The following YWHAG variants were observed in gnomAD, a reference collection of about 807,000 sequenced individuals.
YWHAG encodes 14-3-3 protein gamma.
In YWHAG, 1 loss-of-function variant was observed where a neutral mutation model predicts 23.3. That is an observed-to-expected ratio of 0.04 (90% CI 0.02 to 0.20). YWHAG has a LOEUF of 0.20. Among genes scored for constraint, YWHAG ranks in the 10% least tolerant of loss-of-function variants. The pLI is 1.00. For missense variants in YWHAG, 151 were observed against 338.6 expected (o/e 0.45, Z 4.35); for synonymous variants, 160 against 144.0 (o/e 1.11, Z -0.80).
At chr7:76,335,696 A>T (rs1469716437) in intron 1 of YWHAG, among the ~76,000 whole-genome samples, 1 of 152,334 alleles carries the variant, frequency 6.6e-6, no homozygotes, top group East Asian at 1.9e-4. Context: ...CACCTCTGTA[A>T]TCCCAGCACT....
At chr7:76,340,246 G>A (rs1227547904) in intron 1 of YWHAG, among the ~76,000 whole-genome samples, 1 of 152,204 alleles carries the variant, frequency 6.6e-6, no homozygotes, top group Non-Finnish European at 1.5e-5. Flanking sequence ...TATTTTTCCA[G>A]TTTATTCTCT....
intron 1 of YWHAG, among the ~76,000 whole-genome samples, chr7:76,344,409 T>C (rs750273139): frequency 6.6e-6 from 1 of 152,192 alleles, no homozygotes; most frequent in Non-Finnish European, 1.5e-5. Context: ...GCACATGACA[T>C]GCCTCTACAG....
At chr7:76,335,495 G>A (rs1414245348) in intron 1 of YWHAG, among the ~76,000 whole-genome samples, 1 of 152,212 alleles carries the variant, frequency 6.6e-6, no homozygotes, top group African/African-American at 2.4e-5. Context: ...ATGTTAATTA[G>A]TGTCAACTAT....
chr7:76,345,858 C>T (rs1233295996), intron 1 of YWHAG, among the ~76,000 whole-genome samples: 5 of 152,110 alleles, frequency 3.3e-5, no homozygotes, highest in South Asian at 2.1e-4. Flanking sequence ...TTGCTTGAAC[C>T]GGGACCCGGG....
chr7:76,345,707 C>A (rs1003479218), intron 1 of YWHAG, among the ~76,000 whole-genome samples: 1 of 151,948 alleles, frequency 6.6e-6, no homozygotes, highest in Non-Finnish European at 1.5e-5. Context: ...CTTTGGGAGG[C>A]CGAAGTGGCC....
chr7:76,344,078 T>A lies in YWHAG; in HGVS notation c.88-13845A>T, dbSNP rs75138546. On this transcript the variant is annotated intron_variant, in intron 1 of 1. Transcript: ENST00000307630. ...CCAAGTGTAATGGAACAGATGAACC[T>A]GGGGATCAGGGTACAGGACTTTAAG... Among the ~76,000 whole-genome samples the A allele has an allele frequency of 5.3e-5, 8 of 152,278 alleles. No homozygotes were observed. In the East Asian group the frequency reaches 1.4e-3, roughly 26 times the overall value.
chr7:76,341,928 GAC>G (rs1345787881), intron 1 of YWHAG, among the ~76,000 whole-genome samples: 1 of 152,108 alleles, frequency 6.6e-6, no homozygotes, highest in African/African-American at 2.4e-5. Context: ...TGCACTATAC[GAC>G]AGTTTATATA....
chr7:76,345,498 C>CA (rs1803765578), intron 1 of YWHAG, among the ~76,000 whole-genome samples: 1 of 151,830 alleles, frequency 6.6e-6, no homozygotes, highest in Non-Finnish European at 1.5e-5. Context: ...GCCTTTCTTC[C>CA]AAAAGTAGCT....
At chr7:76,343,202 T>C (rs1419241356) in intron 1 of YWHAG, among the ~76,000 whole-genome samples, 1 of 152,084 alleles carries the variant, frequency 6.6e-6, no homozygotes, top group Non-Finnish European at 1.5e-5. Flanking sequence ...CAGCCGTTTT[T>C]AAAAATCAGC....
At chr7:76,353,803 T>C (rs1212702343) in intron 1 of YWHAG, among the ~76,000 whole-genome samples, 1 of 151,958 alleles carries the variant, frequency 6.6e-6, no homozygotes, top group Non-Finnish European at 1.5e-5. Context: ...GTGTGGTGGC[T>C]CACACCTGTA....
rs921877559 is a variant in YWHAG, at chr7:76,358,945, G to A, written c.-137C>T. Reference sequence around the variant, plus strand: ...GCAGCTGAGGCGGCGGCTGCGCGGAGGAGGCGGCTGGAGCTGCGACCGCGG... The same window carrying A: ...GCAGCTGAGGCGGCGGCTGCGCGGAAGAGGCGGCTGGAGCTGCGACCGCGG... On this transcript the variant is annotated 5_prime_UTR_variant, in exon 1 of 2. Transcript: ENST00000307630. The A allele has an allele frequency of 3.3e-5, 25 of 748,792 alleles. No homozygotes were observed. The highest frequency in any genetic ancestry group is 7.4e-5 in the African/African-American group (4 of 54,128). 46.4% of individuals were successfully genotyped at this position (748,792 alleles called of 1,614,324 possible).
chr7:76,355,614 T>C (rs59382251), intron 1 of YWHAG, among the ~76,000 whole-genome samples: 1,911 of 152,274 alleles, frequency 0.013, 41 homozygotes, highest in African/African-American at 0.043. Flanking sequence ...ATAATAGCTA[T>C]TGATCTCCTG....
At position 76,326,993 on chromosome 7, in the gene YWHAG, G is replaced by A. The variant is rs1444613957; in HGVS notation, c.*2584C>T. 1.3e-5 allele frequency: 2 copies of A among 152,466 alleles called. No individual in the cohort carries two copies. Among genetic ancestry groups the A allele is most frequent in the African/African-American group, 4.8e-5 (2 of 41,382 alleles). The allele number at this position is 152,466 out of a possible 1,614,324, so 9.4% of individuals were successfully genotyped here. On this transcript the variant is annotated 3_prime_UTR_variant, in exon 2 of 2. Transcript: ENST00000307630. ...TGCATAACATGACAAAAAGCACAAA[G>A]GCTCATTCAGAGAACATATTTGTTG...
At chr7:76,349,834 A>G (rs1418478964) in intron 1 of YWHAG, among the ~76,000 whole-genome samples, 1 of 152,124 alleles carries the variant, frequency 6.6e-6, no homozygotes, top group Non-Finnish European at 1.5e-5. Context: ...TCTCTATTAA[A>G]AATGCAAAAA....
At position 76,327,856 on chromosome 7, in the gene YWHAG, G is replaced by A. The variant is rs1803473525; in HGVS notation, c.*1721C>T. 1.3e-5 allele frequency: 2 copies of A among 152,094 alleles called. No homozygotes were observed. The allele number at this position is 152,094 out of a possible 1,614,324, so 9.4% of individuals were successfully genotyped here. ...AGTCATGCTGGGTAAACTGTGCGATGTTACAGAGCACATTGAGTCTGTGGT... is the reference window on the plus strand; with the variant it reads ...AGTCATGCTGGGTAAACTGTGCGATATTACAGAGCACATTGAGTCTGTGGT... On this transcript the variant is annotated 3_prime_UTR_variant, in exon 2 of 2. Transcript: ENST00000307630.
intron 1 of YWHAG, among the ~76,000 whole-genome samples, chr7:76,356,281 TTTTCAA>T: frequency 6.6e-6 from 1 of 152,340 alleles, no homozygotes; most frequent in Non-Finnish European, 1.5e-5. Context: ...CCGCACAACT[TTTTCAA>T]GTATTGTCCC....
intron 1 of YWHAG, among the ~76,000 whole-genome samples, chr7:76,349,821 T>C (rs1803847713): frequency 6.6e-6 from 1 of 152,044 alleles, no homozygotes; most frequent in South Asian, 2.1e-4. Flanking sequence ...TGGTGAAACC[T>C]GGTCTCTATT....
At chr7:76,351,505 A>G (rs1803871951) in intron 1 of YWHAG, among the ~76,000 whole-genome samples, 1 of 152,212 alleles carries the variant, frequency 6.6e-6, no homozygotes, top group Non-Finnish European at 1.5e-5. Context: ...AGGGGTCCCC[A>G]ACGGGTCCAT....
intron 1 of YWHAG, among the ~76,000 whole-genome samples, chr7:76,356,927 A>T (rs1803970361): frequency 6.6e-6 from 1 of 152,004 alleles, no homozygotes; most frequent in Non-Finnish European, 1.5e-5. Context: ...CCATTTGCAC[A>T]CTCCCTACCA....
Sources: gnomAD v4.1 joint callset for allele counts (sites outside exome capture counted in the v4.1 genomes callset) on GRCh38, gnomAD v4.1.1 for gene constraint, MANE v1.5 for transcripts, NCBI Gene and HGNC (gene_info 2026-07-23, HGNC 2026-07-21) for gene names.